The following HSF2BP variants were observed in gnomAD, a reference collection of about 807,000 sequenced individuals.
The protein encoded by HSF2BP is heat shock factor 2-binding protein.
In HSF2BP, 35 loss-of-function variants were observed where a neutral mutation model predicts 35.0. The observed-to-expected ratio is 1.00, with a 90% CI of 0.76 to 1.32. The LOEUF (loss-of-function observed/expected upper bound fraction) is 1.32. HSF2BP is among the 40% of genes most tolerant of loss of function. The pLI is 0.00. For missense variants in HSF2BP, 326 were observed against 321.7 expected (o/e 1.01, Z -0.10); for synonymous variants, 114 against 117.4 (o/e 0.97, Z 0.18).
chr21:43,658,695 G>C (rs758720911), intron 1 of HSF2BP, among the ~76,000 whole-genome samples: 2 of 152,370 alleles, frequency 1.3e-5, no homozygotes, highest in East Asian at 1.9e-4. Flanking sequence ...TCCCTCTCTG[G>C]AATTAGCAAG....
chr21:43,656,797 C>T, intron 2 of HSF2BP, 60 bp from the exon 3 acceptor site: 1 of 1,470,328 alleles, frequency 6.8e-7, no homozygotes, highest in Non-Finnish European at 9.4e-7. Flanking sequence ...AACAACAGCT[C>T]AAGTTAACTT....
chr21:43,637,651 T>TA (rs1395753083), intron 4 of HSF2BP, among the ~76,000 whole-genome samples: 166 of 142,026 alleles, frequency 1.2e-3, no homozygotes, highest in African/African-American at 2.1e-3. Flanking sequence ...TACAAAAACT[T>TA]AAAAAAAAAA....
chr21:43,612,593 G>A (rs2146914901), intron 7 of HSF2BP, among the ~76,000 whole-genome samples: 1 of 149,922 alleles, frequency 6.7e-6, no homozygotes, highest in Middle Eastern at 3.5e-3. Flanking sequence ...GGAGCTTGCA[G>A]TGAGCCGAGA....
At chr21:43,590,212 C>G (rs925660048) in intron 8 of HSF2BP, among the ~76,000 whole-genome samples, 1 of 152,126 alleles carries the variant, frequency 6.6e-6, no homozygotes, top group Non-Finnish European at 1.5e-5. Flanking sequence ...ACAAAACATA[C>G]AAACAGATAT....
chr21:43,583,900 ACCTGCTGAGGGAGATGAAGGG>A (rs1568886866), intron 8 of HSF2BP, among the ~76,000 whole-genome samples: 1 of 105,402 alleles, frequency 9.5e-6, no homozygotes, highest in African/African-American at 3.7e-5. Context: ...GGAGATGAAG[ACCTGCTGAGGGAGATGAAGGG>A]CCTGCTGAGG....
At chr21:43,599,553 G>A (rs879421279) in intron 7 of HSF2BP, among the ~76,000 whole-genome samples, 3 of 152,114 alleles carry the variant, frequency 2.0e-5, no homozygotes, top group Non-Finnish European at 4.4e-5. Flanking sequence ...CAGCACTTTG[G>A]GAGGCTGAGG....
intron 5 of HSF2BP, among the ~76,000 whole-genome samples, chr21:43,631,730 C>T (rs1273010624): frequency 6.6e-6 from 1 of 152,170 alleles, no homozygotes; most frequent in African/African-American, 2.4e-5. Context: ...TAACTCTCCA[C>T]TGTGTCAACT....
intron 6 of HSF2BP, among the ~76,000 whole-genome samples, chr21:43,619,578 G>T (rs887558439): frequency 6.6e-6 from 1 of 152,158 alleles, no homozygotes; most frequent in Non-Finnish European, 1.5e-5. Flanking sequence ...TGTGACACCC[G>T]TCTCCATAAT....
At chr21:43,601,444 G>C (rs567458057) in intron 7 of HSF2BP, among the ~76,000 whole-genome samples, 1 of 152,132 alleles carries the variant, frequency 6.6e-6, no homozygotes, top group Non-Finnish European at 1.5e-5. Context: ...TAAATTGCCT[G>C]ATTTTTTTCT....
intron 3 of HSF2BP, among the ~76,000 whole-genome samples, chr21:43,646,992 T>C (rs553577338): frequency 6.6e-6 from 1 of 152,376 alleles, no homozygotes; most frequent in Admixed American, 6.5e-5. Context: ...AATGTCTATA[T>C]GGAATATAGT....
chr21:43,600,513 G>A (rs1360057969), intron 7 of HSF2BP, among the ~76,000 whole-genome samples: 1 of 152,158 alleles, frequency 6.6e-6, no homozygotes, highest in Non-Finnish European at 1.5e-5. Context: ...TACATTTTTA[G>A]ACCAAATTAT....
chr21:43,594,861 T>C (rs937629314), intron 7 of HSF2BP, among the ~76,000 whole-genome samples: 4 of 152,214 alleles, frequency 2.6e-5, no homozygotes, highest in Non-Finnish European at 4.4e-5. Flanking sequence ...CAAATGTTAA[T>C]GAACAGGATA....
At position 43,658,113 on chromosome 21, in the gene HSF2BP, G is replaced by C; in HGVS notation, c.-17C>G. 1 of 1,528,146 alleles carries C rather than the reference G, an allele frequency of 6.5e-7. No individual in the cohort carries two copies. The highest frequency in any genetic ancestry group is 8.8e-7 in the Non-Finnish European group (1 of 1,141,756). 94.7% of individuals were successfully genotyped at this position (1,528,146 alleles called of 1,614,324 possible). A position where few individuals can be genotyped will look rare whatever the true frequency, so the allele number is the denominator to read the frequency against. On this transcript the variant is annotated 5_prime_UTR_variant, in exon 2 of 9. Coordinates refer to ENST00000291560, the MANE Select transcript of HSF2BP (RefSeq NM_007031.2). ...TTCGCCCATGGCCGCTGCCGCCTCC[G>C]CTCCGTTCGCCTGAGCGTCGGCGCG...
intron 6 of HSF2BP, among the ~76,000 whole-genome samples, chr21:43,627,394 C>A (rs1489576792): frequency 6.6e-6 from 1 of 152,182 alleles, no homozygotes; most frequent in East Asian, 1.9e-4. Context: ...GCTAGCCAGA[C>A]AGTAAAATTA....
At chr21:43,657,290 T>C (rs1601741467) in intron 2 of HSF2BP, among the ~76,000 whole-genome samples, 1 of 151,430 alleles carries the variant, frequency 6.6e-6, no homozygotes, top group Non-Finnish European at 1.5e-5. Flanking sequence ...AGCTCAGGAG[T>C]TGGAGGCTGC....
At chr21:43,580,819 T>C (rs765225828) in intron 8 of HSF2BP, among the ~76,000 whole-genome samples, 11 of 152,242 alleles carry the variant, frequency 7.2e-5, no homozygotes, top group African/African-American at 1.4e-4. Flanking sequence ...AATAAAGAAG[T>C]TGCTTACTAG....
chr21:43,639,418 T>C (rs541081140), intron 4 of HSF2BP, among the ~76,000 whole-genome samples: 1 of 152,084 alleles, frequency 6.6e-6, no homozygotes, highest in African/African-American at 2.4e-5. Context: ...AGGACTTCTA[T>C]CTAGAATATA....
chr21:43,636,273 A>AAAAG (rs1568932529), intron 4 of HSF2BP, among the ~76,000 whole-genome samples: 12 of 146,686 alleles, frequency 8.2e-5, no homozygotes, highest in South Asian at 2.2e-4. Flanking sequence ...GAAAAGAAAA[A>AAAAG]ACGAAGGGGA....
chr21:43,579,630 A>C (rs1299932113), intron 8 of HSF2BP, among the ~76,000 whole-genome samples: 1 of 152,154 alleles, frequency 6.6e-6, no homozygotes, highest in Non-Finnish European at 1.5e-5. Flanking sequence ...CATCAACCTT[A>C]CTACCCGCCC....
Sources: gnomAD v4.1 joint callset for allele counts (sites outside exome capture counted in the v4.1 genomes callset) on GRCh38, gnomAD v4.1.1 for gene constraint, MANE v1.5 for transcripts, NCBI Gene and HGNC (gene_info 2026-07-23, HGNC 2026-07-21) for gene names.